The following COL11A1 variants were observed in gnomAD, a reference collection of about 807,000 sequenced individuals.
COL11A1 encodes collagen alpha-1(XI) chain.
COL11A1 carries 74 observed loss-of-function variants against 265.2 expected under a neutral mutation model. That is an observed-to-expected ratio of 0.28 (90% CI 0.23 to 0.34). The LOEUF is 0.34. COL11A1 is among the 10% of genes least tolerant of loss of function. The pLI, the probability that COL11A1 is intolerant of heterozygous loss-of-function variation, is 1.00. For missense variants in COL11A1, 2,165 were observed against 2,263.6 expected (o/e 0.96, Z 0.88); for synonymous variants, 816 against 727.6 (o/e 1.12, Z -1.96).
intron 39 of COL11A1, 103 bp from the exon 40 acceptor site, chr1:102,962,368 AT>A (rs1661002009): frequency 2.1e-6 from 2 of 939,162 alleles, no homozygotes; most frequent in Non-Finnish European, 3.5e-6. Context: ...AAATGTGAAT[AT>A]TATTTAATGA....
At chr1:102,902,220 T>C (rs912776327) in intron 54 of COL11A1, among the ~76,000 whole-genome samples, 1 of 152,160 alleles carries the variant, frequency 6.6e-6, no homozygotes, top group Non-Finnish European at 1.5e-5. Context: ...TAGCTAAGCA[T>C]CTATGCATTT....
Position 102,937,636 on chromosome 1 carries a change from G to T in COL11A1, c.3438+1399C>A, listed in dbSNP as rs575840338. Among the ~76,000 whole-genome samples, 4 of 152,204 alleles carry T rather than the reference G, an allele frequency of 2.6e-5. No homozygotes were observed. In the East Asian group the frequency reaches 7.7e-4, roughly 29 times the overall value. On this transcript the variant is annotated intron_variant, in intron 44 of 66. Transcript: ENST00000370096. ...ATGAAAGAGGGTTGTTTTAAAGTCA[G>T]CACTCCTGTAGGGTTTGGTCCCTCC...
At chr1:103,000,916 G>A (rs1665043237) in intron 24 of COL11A1, 1 of 361,596 alleles carries the variant, frequency 2.8e-6, no homozygotes, top group Admixed American at 4.6e-5. Flanking sequence ...GGAATACTAT[G>A]AGAACAAAAT....
chr1:102,979,889 G>A (rs896874638), intron 31 of COL11A1, among the ~76,000 whole-genome samples: 1 of 152,076 alleles, frequency 6.6e-6, no homozygotes, highest in Non-Finnish European at 1.5e-5. Flanking sequence ...CCACTTTTGA[G>A]TTGAGTATTT....
chr1:103,009,298 CA>C (rs1665911556), intron 14 of COL11A1, among the ~76,000 whole-genome samples: 1 of 152,100 alleles, frequency 6.6e-6, no homozygotes, highest in African/African-American at 2.4e-5. Context: ...CCTGTAATCC[CA>C]GCTACTCAGG....
chr1:102,994,893 T>C (rs993884787), intron 28 of COL11A1, among the ~76,000 whole-genome samples: 3 of 152,028 alleles, frequency 2.0e-5, no homozygotes, highest in South Asian at 2.1e-4. Flanking sequence ...CTTACAATCA[T>C]GGTAGAAGGC....
chr1:102,948,733 T>C (rs2199553), intron 41 of COL11A1, among the ~76,000 whole-genome samples: 143,947 of 151,790 alleles, frequency 0.95, 68,413 homozygotes, highest in East Asian at 1. Flanking sequence ...AACATATACT[T>C]TTTCATCAAT....
At chr1:103,006,922 T>A (rs1302998896) in intron 15 of COL11A1, among the ~76,000 whole-genome samples, 2 of 152,176 alleles carry the variant, frequency 1.3e-5, no homozygotes, top group African/African-American at 2.4e-5. Context: ...GGGTTTTACA[T>A]TTCCCTTGAT....
At chr1:102,997,496 A>G (rs1210226525) in intron 25 of COL11A1, among the ~76,000 whole-genome samples, 1 of 152,026 alleles carries the variant, frequency 6.6e-6, no homozygotes, top group East Asian at 1.9e-4. Context: ...ATGATCATAC[A>G]TGCACCTTCA....
chr1:102,887,623 T>G (rs1166385983), intron 62 of COL11A1, among the ~76,000 whole-genome samples: 2 of 152,160 alleles, frequency 1.3e-5, no homozygotes, highest in Non-Finnish European at 2.9e-5. Context: ...TATCAAATAG[T>G]TATCATATTG....
At chr1:102,989,444 T>C in intron 29 of COL11A1, 74 bp downstream of exon 29, 1 of 860,574 alleles carries the variant, frequency 1.2e-6, no homozygotes, top group Admixed American at 2.9e-5. Flanking sequence ...TTACTATATT[T>C]AAAGATAAGC....
At chr1:103,095,215 T>G (rs953950007) in intron 1 of COL11A1, among the ~76,000 whole-genome samples, 1 of 152,116 alleles carries the variant, frequency 6.6e-6, no homozygotes, top group Non-Finnish European at 1.5e-5. Context: ...ACCTAGATGC[T>G]GCTAACATCT....
chr1:102,937,156 A>T (rs1658232713), intron 44 of COL11A1, among the ~76,000 whole-genome samples: 1 of 152,172 alleles, frequency 6.6e-6, no homozygotes, highest in African/African-American at 2.4e-5. Flanking sequence ...TTTTAAATAT[A>T]TCAGCTTTCA....
At chr1:103,014,373 C>T in intron 13 of COL11A1, 138 bp downstream of exon 13, 1 of 753,596 alleles carries the variant, frequency 1.3e-6, no homozygotes, top group Non-Finnish European at 2.3e-6. Context: ...AAAATTTTAG[C>T]AGTTTTCCAA....
chr1:103,078,820 T>G lies in COL11A1; in HGVS notation c.326A>C (p.Lys109Thr). The change falls in exon 3 of 67, where the codon AAA becomes ACA. Residue 109 changes from lysine to threonine, a missense_variant. Physicochemically the swap from Lys to Thr is moderately conservative, Grantham distance 78. Coordinates refer to ENST00000370096, the MANE Select transcript of COL11A1 (RefSeq NM_001854.4). ...AGATAAAAGGAAAGACTGAATTCCTTTTTTTGGTTTTACTGTAAATAGTAT... is the reference window on the plus strand; with the variant it reads ...AGATAAAAGGAAAGACTGAATTCCTGTTTTTGGTTTTACTGTAAATAGTAT... ...FSILFTVKPK[K>T]GIQSFLLSIY... is the part of the protein sequence containing the mutation. The G allele has an allele frequency of 6.2e-7, 1 of 1,612,518 alleles. No individual in the cohort carries two copies. Among genetic ancestry groups the G allele is most frequent in the Non-Finnish European group, 8.5e-7 (1 of 1,179,008 alleles).
At chr1:102,888,787 TA>T (rs1358159783) in intron 60 of COL11A1, 29 bp from the exon 61 acceptor site, 1 of 1,613,748 alleles carries the variant, frequency 6.2e-7, no homozygotes, top group Non-Finnish European at 8.5e-7. Context: ...AAAGCACAGA[TA>T]AAAATCTGGA....
intron 41 of COL11A1, among the ~76,000 whole-genome samples, chr1:102,949,162 T>C (rs1231565512): frequency 6.6e-6 from 1 of 152,128 alleles, no homozygotes; most frequent in Non-Finnish European, 1.5e-5. Context: ...AGGGTTATTC[T>C]ACTCAAGTTA....
intron 41 of COL11A1, among the ~76,000 whole-genome samples, chr1:102,952,112 T>C (rs1364125355): frequency 1.3e-5 from 2 of 150,018 alleles, no homozygotes; most frequent in African/African-American, 2.4e-5. Context: ...TATACTATTT[T>C]TTTTTGAGAT....
At chr1:102,996,458 C>T (rs1664638978) in intron 26 of COL11A1, among the ~76,000 whole-genome samples, 1 of 151,668 alleles carries the variant, frequency 6.6e-6, no homozygotes. Flanking sequence ...GTAGCATTCA[C>T]TTCATCAAGA....
Sources: gnomAD v4.1 joint callset for allele counts (sites outside exome capture counted in the v4.1 genomes callset) on GRCh38, gnomAD v4.1.1 for gene constraint, MANE v1.5 for transcripts, NCBI Gene and HGNC (gene_info 2026-07-23, HGNC 2026-07-21) for gene names.